Variants in RPL10 observed in about 807,000 individuals in gnomAD.
RPL10 encodes the protein ribosomal protein L10.
RPL10 carries 1 observed loss-of-function variant against 15.7 expected under a neutral mutation model. The ratio of observed to expected loss-of-function variants is 0.06; its 90% confidence interval spans 0.02 to 0.30. RPL10 has a LOEUF of 0.30. Among genes scored for constraint, RPL10 ranks in the 10% least tolerant of loss-of-function variants. RPL10 has a pLI of 1.00. For missense variants in RPL10, 54 were observed against 183.4 expected, an observed-to-expected ratio of 0.29 and a Z score of 4.08; for synonymous variants, 59 against 64.0, an observed-to-expected ratio of 0.92 and a Z score of 0.37.
intron 1 of RPL10, 32 bp from the exon 2 acceptor site, chrX:154,398,465 C>G: frequency 8.3e-7 from 1 of 1,205,346 alleles, no homozygotes; most frequent in Non-Finnish European, 1.1e-6. Flanking sequence ...CTGTTCTCGT[C>G]TTCCGTTCCG....
chrX:154,398,421 G>C, intron 1 of RPL10, 27 bp downstream of exon 1: 1 of 1,053,517 alleles, frequency 9.5e-7, no homozygotes, highest in Non-Finnish European at 1.3e-6. Context: ...GTCGTCTCTT[G>C]CGGTGCCGTT....
chrX:154,399,238 C>A, intron 2 of RPL10, 100 bp from the exon 3 acceptor site: 1 of 855,086 alleles, frequency 1.2e-6, no homozygotes, highest in Non-Finnish European at 1.8e-6. Context: ...CATTCCCCAC[C>A]CTTTTCCCGT....
In RPL10 at chrX:154,401,111, G is replaced by T; in HGVS notation, c.*257G>T. 1.3e-6 allele frequency: 1 copy of T among 754,364 alleles called. No homozygotes were observed. The highest frequency in any genetic ancestry group is 1.8e-6 in the Non-Finnish European group (1 of 544,797). The allele number at this position is 754,364 out of a possible 1,213,427, so 62.2% of individuals were successfully genotyped here. On this transcript the variant is annotated 3_prime_UTR_variant, in exon 7 of 7. Transcript: ENST00000369817. ...TGACTTGGACCTCCCCAGGTCCTAGGCAGTAGGTTGAAAAACACTGAAGTG... is the reference window on the plus strand; with the variant it reads ...TGACTTGGACCTCCCCAGGTCCTAGTCAGTAGGTTGAAAAACACTGAAGTG...
upstream of RPL10, chrX:154,398,371 G>A (rs781913834): frequency 3.6e-5 from 26 of 712,357 alleles, no homozygotes; most frequent in Non-Finnish European, 5.1e-5. Flanking sequence ...GCAGGCGGAG[G>A]AGCGCCTCTT....
rs781947636 is a variant in RPL10 at position 154,399,295 on chromosome X, T to C, written c.24-43T>C. ...GAGGGGCAAAGTGCCTGTTGGGCTT[T>C]CTGTGAACCTCACCTAACCTGTGTT... is the stretch of plus-strand genomic sequence containing the variant. On this transcript the variant is annotated intron_variant, in intron 2 of 6. Transcript: ENST00000369817. The C allele has an allele frequency of 1.2e-4, 138 of 1,190,011 alleles. No homozygotes were observed. In the Middle Eastern group the frequency reaches 1.4e-3, roughly 12 times the overall value.
Position 154,399,413 on chromosome X carries a change from C to T in RPL10, c.82+17C>T, listed in dbSNP as rs1557185251. The T allele has an allele frequency of 1.7e-6, 2 of 1,210,747 alleles. No homozygotes were observed. Among genetic ancestry groups the T allele is most frequent in the Admixed American group, 4.3e-5 (2 of 46,060 alleles). On this transcript the variant is annotated intron_variant, in intron 3 of 6. Coordinates refer to ENST00000369817, the MANE Select transcript of RPL10 (RefSeq NM_006013.5). ...GTGTCCCTGGTAAGTAGTGGAAGAG[C>T]CCCTGCACTGGTTGGCTCTGCGGAC...
At chrX:154,398,170 T>C (rs782317315), upstream of RPL10, 20 of 418,521 alleles carry the variant, frequency 4.8e-5, no homozygotes, top group Middle Eastern at 4.3e-4. Flanking sequence ...GAAGCCCCAT[T>C]CGTCAGCTGG....
rs1482844478 is a variant in RPL10, at chrX:154,401,752, C to T, written c.*898C>T. 2 of 112,046 alleles carry T rather than the reference C, an allele frequency of 1.8e-5. No homozygotes were observed. The highest frequency in any genetic ancestry group is 3.3e-5 in the African/African-American group (1 of 30,613). The allele number at this position is 112,046 out of a possible 1,213,427, so 9.2% of individuals were successfully genotyped here. On this transcript the variant is annotated 3_prime_UTR_variant, in exon 7 of 7. Coordinates refer to ENST00000369817, the MANE Select transcript of RPL10 (RefSeq NM_006013.5). ...GTTTTTTGTAATCTCAGTTTACAGCCATTTCTTAGGTTTTTAATTACCTTT... is the reference window on the plus strand; with the variant it reads ...GTTTTTTGTAATCTCAGTTTACAGCTATTTCTTAGGTTTTTAATTACCTTT...
Position 154,401,856 on chromosome X carries a change from T to G in RPL10, c.*1002T>G, listed in dbSNP as rs2148145915. ...GGGTGATGGTTCCAAACCATAAATGTGATTATAGTTAACACATGACCCTTC... is the reference window on the plus strand; with the variant it reads ...GGGTGATGGTTCCAAACCATAAATGGGATTATAGTTAACACATGACCCTTC... On this transcript the variant is annotated 3_prime_UTR_variant, in exon 7 of 7. Transcript: ENST00000369817. The G allele has an allele frequency of 8.9e-6, 1 of 112,098 alleles. No individual in the cohort carries two copies. Among genetic ancestry groups the G allele is most frequent in the Non-Finnish European group, 1.9e-5 (1 of 53,173 alleles). The allele number at this position is 112,098 out of a possible 1,213,427, so 9.2% of individuals were successfully genotyped here.
Position 154,399,949 on chromosome X carries a change from T to G in RPL10, c.329+8T>G. 8 of 1,211,759 alleles carry G rather than the reference T, an allele frequency of 6.6e-6. No individual in the cohort carries two copies. The highest frequency in any genetic ancestry group is 8.9e-6 in the Non-Finnish European group (8 of 895,361). ...CTGTGCTGGGGCTGACAGGTGAGCTTGGTCTGGGCCTTTTAAGGCAGTTGG... is the reference window on the plus strand; with the variant it reads ...CTGTGCTGGGGCTGACAGGTGAGCTGGGTCTGGGCCTTTTAAGGCAGTTGG... On this transcript the variant is annotated splice_region_variant and intron_variant, in intron 5 of 6. Transcript: ENST00000369817.
At position 154,401,096 on chromosome X, in the gene RPL10, C is replaced by T. The variant is rs969413715; in HGVS notation, c.*242C>T. On this transcript the variant is annotated 3_prime_UTR_variant, in exon 7 of 7. Transcript: ENST00000369817. ...GTCTACTCTGGAGCTTGACTTGGAC[C>T]TCCCCAGGTCCTAGGCAGTAGGTTG... 2.7e-4 allele frequency: 231 copies of T among 869,806 alleles called. No homozygotes were observed. Among genetic ancestry groups the T allele is most frequent in the Non-Finnish European group, 3.4e-4 (220 of 638,497 alleles). 71.7% of individuals were successfully genotyped at this position (869,806 alleles called of 1,213,427 possible).
chrX:154,399,773 C>T, intron 4 of RPL10, 30 bp from the exon 5 acceptor site: 1 of 1,209,679 alleles, frequency 8.3e-7, no homozygotes, highest in Non-Finnish European at 1.1e-6. Flanking sequence ...TATCTTCTCT[C>T]ACTTTGCTGC....
At chrX:154,400,012 G>A in intron 5 of RPL10, 71 bp downstream of exon 5, 1 of 1,158,648 alleles carries the variant, frequency 8.6e-7, no homozygotes, top group Non-Finnish European at 1.2e-6. Context: ...TTTTATCAGA[G>A]CATAGAGGTG....
intron 2 of RPL10, chrX:154,398,966 T>G (rs2067966469): frequency 2.8e-6 from 1 of 362,496 alleles, no homozygotes; most frequent in Non-Finnish European, 5.1e-6. Flanking sequence ...TGGAGGTGGA[T>G]TTAGTGCCAC....
intron 5 of RPL10, 116 bp from the exon 6 acceptor site, chrX:154,400,348 C>T: frequency 1.2e-6 from 1 of 810,453 alleles, no homozygotes; most frequent in Non-Finnish European, 1.8e-6. Context: ...CTGCACACAG[C>T]AGCTTCCTTG....
chrX:154,399,070 T>A, intron 2 of RPL10: 2 of 443,051 alleles, frequency 4.5e-6, no homozygotes, highest in Non-Finnish European at 8.1e-6. Context: ...AATTTTTAAC[T>A]AGGAAAGTTT....
At chrX:154,400,324 C>G (rs1332272762) in intron 5 of RPL10, 140 bp from the exon 6 acceptor site, 2 of 682,889 alleles carry the variant, frequency 2.9e-6, no homozygotes, top group Admixed American at 4.4e-5. Flanking sequence ...TCATGGGGAC[C>G]CAGTGTGCGA....
chrX:154,398,444 A>G (rs1409968013), intron 1 of RPL10, 50 bp downstream of exon 1: 1 of 1,164,961 alleles, frequency 8.6e-7, no homozygotes, highest in African/African-American at 1.8e-5. Context: ...TGGTTCTCAC[A>G]CCTTTTAGGT....
In RPL10 at chrX:154,399,405, T is replaced by C. The variant is rs782638062; in HGVS notation, c.82+9T>C. On this transcript the variant is annotated intron_variant, in intron 3 of 6. Transcript: ENST00000369817. ...CTGCCGAGGTGTCCCTGGTAAGTAG[T>C]GGAAGAGCCCCTGCACTGGTTGGCT... 51 of 1,211,340 alleles carry C rather than the reference T, an allele frequency of 4.2e-5. No homozygotes were observed. In the South Asian group the frequency reaches 8.6e-4, roughly 20 times the overall value.
Sources: allele counts gnomAD v4.1 joint callset, GRCh38; gene constraint gnomAD v4.1.1; transcripts MANE v1.5; gene names NCBI Gene and HGNC (gene_info 2026-07-23, HGNC 2026-07-21).